The following NUMB variants were observed in gnomAD, a reference collection of about 807,000 sequenced individuals.
NUMB encodes protein numb homolog.
NUMB carries 29 observed loss-of-function variants against 59.7 expected under a neutral mutation model. The ratio of observed to expected loss-of-function variants is 0.49; its 90% CI spans 0.36 to 0.66. NUMB has a LOEUF of 0.66. NUMB is among the 30% of genes least tolerant of loss of function. The pLI is 0.00. For synonymous variants in NUMB, 288 were observed against 288.2 expected, an observed-to-expected ratio of 1.00 and a Z score of 0.01; for missense variants, 723 against 822.0, an observed-to-expected ratio of 0.88 and a Z score of 1.47.
chr14:73,439,088 A>G (rs1882834579), intron 1 of NUMB, among the ~76,000 whole-genome samples: 1 of 152,222 alleles, frequency 6.6e-6, no homozygotes, highest in Non-Finnish European at 1.5e-5. Context: ...TGTTTAATCC[A>G]AACTGGGGAA....
intron 4 of NUMB, among the ~76,000 whole-genome samples, chr14:73,326,100 A>G (rs1891647297): frequency 2.0e-5 from 3 of 152,164 alleles, no homozygotes; most frequent in South Asian, 4.1e-4. Context: ...AGTACCAAAG[A>G]AGGCACAGGA....
At position 73,394,297 on chromosome 14, in the gene NUMB, T is replaced by C. The variant is rs138742702; in HGVS notation, c.-101+15640A>G. Among the ~76,000 whole-genome samples, 1,978 of 152,230 alleles carry C rather than the reference T, an allele frequency of 0.013. 99 individuals carry two copies. The South Asian group carries it at 0.16, about 12-fold the overall frequency. ...ATACAACGTGATGTTTTGATGTATG[T>C]ATACATTGTGAAATGGTTAAATTGA... On this transcript the variant is annotated intron_variant, in intron 2 of 12. Transcript: ENST00000555238.
chr14:73,394,223 C>T (rs942454038), intron 2 of NUMB, among the ~76,000 whole-genome samples: 1 of 152,032 alleles, frequency 6.6e-6, no homozygotes, highest in Non-Finnish European at 1.5e-5. Context: ...GGATTACAGG[C>T]GTGAGCCACT....
intron 12 of NUMB, among the ~76,000 whole-genome samples, chr14:73,277,847 C>G (rs1888287638): frequency 6.6e-6 from 1 of 151,916 alleles, no homozygotes; most frequent in African/African-American, 2.4e-5. Flanking sequence ...CACCTGAGGT[C>G]AAGAGATCGA....
intron 4 of NUMB, among the ~76,000 whole-genome samples, chr14:73,345,630 G>A (rs1250000127): frequency 6.6e-6 from 1 of 152,064 alleles, no homozygotes. Flanking sequence ...AGAACATTTG[G>A]CCGGGCACAG....
chr14:73,456,394 G>A lies in NUMB; in HGVS notation c.-233+2099C>T, dbSNP rs141408573. ...CAAAGTGCTGGGATTATAGGCGTGA[G>A]CCACCGCACCCAGCTTTCAGACTTT... On this transcript the variant is annotated intron_variant, in intron 1 of 12. Transcript: ENST00000555238. Among the ~76,000 whole-genome samples the A allele has an allele frequency of 0.013, 1,985 of 152,314 alleles. 99 individuals are homozygous for A. The South Asian group carries it at 0.16, about 12-fold the overall frequency.
intron 10 of NUMB, among the ~76,000 whole-genome samples, chr14:73,283,724 T>G (rs538034559): frequency 1.3e-5 from 2 of 152,208 alleles, no homozygotes; most frequent in Non-Finnish European, 2.9e-5. Context: ...CTTTAATTAA[T>G]TCCCTGCTGG....
chr14:73,283,067 G>A (rs1475762232), intron 10 of NUMB, among the ~76,000 whole-genome samples: 2 of 152,300 alleles, frequency 1.3e-5, no homozygotes, highest in East Asian at 3.9e-4. Flanking sequence ...GAAAAAGTGA[G>A]CAGAGGTGTA....
chr14:73,376,871 GTGAGA>G (rs1323231749), intron 2 of NUMB, among the ~76,000 whole-genome samples: 1 of 152,118 alleles, frequency 6.6e-6, no homozygotes, highest in African/African-American at 2.4e-5. Flanking sequence ...AGACAACATG[GTGAGA>G]CTCCCATCTC....
At chr14:73,323,034 A>AC in intron 5 of NUMB, 96 bp downstream of exon 5, 1 of 878,430 alleles carries the variant, frequency 1.1e-6, no homozygotes, top group East Asian at 2.6e-5. Context: ...TAACAGAAAC[A>AC]CAGTTTTTAC....
At chr14:73,437,867 C>T (rs190461295) in intron 1 of NUMB, among the ~76,000 whole-genome samples, 3 of 151,952 alleles carry the variant, frequency 2.0e-5, no homozygotes, top group African/African-American at 7.3e-5. Flanking sequence ...GATCAGGGAT[C>T]ACCCAAAAGA....
At chr14:73,396,323 T>TGG (rs1344637270) in intron 2 of NUMB, among the ~76,000 whole-genome samples, 1 of 39,944 alleles carries the variant, frequency 2.5e-5, no homozygotes, top group Non-Finnish European at 3.9e-5. Context: ...TTATTAGGGG[T>TGG]GTGTGTGTGT....
Position 73,276,926 on chromosome 14 carries a change from G to A in NUMB, c.1608C>T (p.Ala536=). Residue 536 remains alanine, a synonymous_variant, in exon 13 of 13, where the codon GCC becomes GCT. Transcript: ENST00000555238. ...GGTGGCCTGCAGTGCCAAATACGTT[G>A]GCCACCATCTGGGAGGGAGTGATGC... is the stretch of plus-strand genomic sequence containing the variant. ...VVGITPSQMV[A]NVFGTAGHPQ... 4 of 1,614,136 alleles carry A rather than the reference G, an allele frequency of 2.5e-6. 1 individual carries two copies. Among genetic ancestry groups the A allele is most frequent in the South Asian group, 2.2e-5 (2 of 91,074 alleles).
At chr14:73,416,814 G>A (rs1595013672) in intron 1 of NUMB, among the ~76,000 whole-genome samples, 1 of 151,958 alleles carries the variant, frequency 6.6e-6, no homozygotes, top group South Asian at 2.1e-4. Context: ...GGGAAATACA[G>A]GGTAGAAGAG....
At chr14:73,334,448 C>T (rs1892178717) in intron 4 of NUMB, among the ~76,000 whole-genome samples, 1 of 152,104 alleles carries the variant, frequency 6.6e-6, no homozygotes, top group Admixed American at 6.6e-5. Context: ...TTAAATAGCA[C>T]AGGAATTACT....
intron 2 of NUMB, among the ~76,000 whole-genome samples, chr14:73,408,226 CA>C (rs11293087): frequency 0.77 from 110,983 of 144,136 alleles, 42,501 homozygotes; most frequent in African/African-American, 0.86. Context: ...GACTCCGTCT[CA>C]AAAAAAAAAA....
intron 4 of NUMB, among the ~76,000 whole-genome samples, 152 bp downstream of exon 4, chr14:73,355,473 CT>C (rs1893734419): frequency 6.6e-6 from 1 of 151,994 alleles, no homozygotes; most frequent in Non-Finnish European, 1.5e-5. Context: ...CATTATTTTC[CT>C]TTCTTTCTCT....
chr14:73,290,712 T>C (rs750394494), intron 8 of NUMB, among the ~76,000 whole-genome samples: 2 of 152,218 alleles, frequency 1.3e-5, no homozygotes, highest in South Asian at 2.1e-4. Flanking sequence ...TCTGAAATGC[T>C]TGGGACCAGA....
At chr14:73,337,911 T>A (rs1284940568) in intron 4 of NUMB, among the ~76,000 whole-genome samples, 1 of 152,168 alleles carries the variant, frequency 6.6e-6, no homozygotes, top group Non-Finnish European at 1.5e-5. Context: ...TCATCCCCCA[T>A]TCACAAATCT....
Sources: gnomAD v4.1 joint callset for allele counts (sites outside exome capture counted in the v4.1 genomes callset) on GRCh38, gnomAD v4.1.1 for gene constraint, MANE v1.5 for transcripts, NCBI Gene and HGNC (gene_info 2026-07-23, HGNC 2026-07-21) for gene names.